The following CSMD1 variants were observed in gnomAD, a reference collection of about 807,000 sequenced individuals.
CSMD1 encodes the protein CUB and Sushi multiple domains 1.
CSMD1 carries 213 observed loss-of-function variants against 417.5 expected under a neutral mutation model. That is an observed-to-expected ratio of 0.51 (90% CI 0.46 to 0.57). The LOEUF is 0.57. Among genes scored for constraint, CSMD1 ranks in the 20% least tolerant of loss-of-function variants. CSMD1 has a pLI of 0.00. For synonymous variants in CSMD1, 2,862 were observed against 1,736.8 expected (o/e 1.65, Z -16.11); for missense variants, 6,923 against 4,529.7 (o/e 1.53, Z -15.17).
chr8:3,638,848 C>T (rs1026079905), intron 7 of CSMD1, among the ~76,000 whole-genome samples: 1 of 152,070 alleles, frequency 6.6e-6, no homozygotes, highest in Admixed American at 6.6e-5. Flanking sequence ...GGAAGATACC[C>T]TGGAATATAA....
intron 5 of CSMD1, among the ~76,000 whole-genome samples, chr8:3,940,402 A>G (rs1323530256): frequency 6.6e-6 from 1 of 152,110 alleles, no homozygotes; most frequent in Non-Finnish European, 1.5e-5. Flanking sequence ...GAAAATAATG[A>G]CAAAAATGTT....
chr8:4,577,004 T>C (rs1799168581), intron 2 of CSMD1, among the ~76,000 whole-genome samples: 1 of 152,326 alleles, frequency 6.6e-6, no homozygotes, highest in South Asian at 2.1e-4. Context: ...ATCTCCATGG[T>C]GACAGATATT....
chr8:4,767,056 G>A (rs1426841845), intron 1 of CSMD1, among the ~76,000 whole-genome samples: 1 of 152,092 alleles, frequency 6.6e-6, no homozygotes, highest in Non-Finnish European at 1.5e-5. Context: ...AGGAAATACT[G>A]CTTTATAATG....
chr8:3,610,669 G>C (rs1245350073), intron 8 of CSMD1, among the ~76,000 whole-genome samples: 2 of 152,000 alleles, frequency 1.3e-5, no homozygotes, highest in Non-Finnish European at 2.9e-5. Flanking sequence ...TTGTAACATA[G>C]CAAATATCTT....
intron 1 of CSMD1, among the ~76,000 whole-genome samples, chr8:4,776,226 G>A (rs1182352720): frequency 6.6e-6 from 1 of 152,000 alleles, no homozygotes; most frequent in East Asian, 1.9e-4. Flanking sequence ...TTTCACAAAG[G>A]CCTAAATATA....
intron 6 of CSMD1, among the ~76,000 whole-genome samples, chr8:3,731,579 G>GT (rs1049247526): frequency 6.6e-6 from 1 of 152,130 alleles, no homozygotes; most frequent in Non-Finnish European, 1.5e-5. Context: ...TCTAAAATAG[G>GT]TTTTTGAAAG....
intron 10 of CSMD1, among the ~76,000 whole-genome samples, chr8:3,528,593 C>A (rs1286784223): frequency 1.3e-5 from 2 of 152,160 alleles, no homozygotes; most frequent in African/African-American, 4.8e-5. Flanking sequence ...ATACAACACA[C>A]AATTTGAATT....
intron 3 of CSMD1, among the ~76,000 whole-genome samples, chr8:4,051,860 C>A (rs868602145): frequency 2.9e-5 from 1 of 34,698 alleles, no homozygotes; most frequent in Admixed American, 4.1e-4. Flanking sequence ...TTTTCTCTTT[C>A]TTTCTTTCCT....
Position 4,419,514 on chromosome 8 carries a change from T to C in CSMD1, c.415+439A>G, listed in dbSNP as rs183531405. 1.1e-3 allele frequency among the ~76,000 whole-genome samples: 164 copies of C among 152,256 alleles called. 1 individual carries two copies. Among genetic ancestry groups the C allele is most frequent in the African/African-American group, 3.8e-3 (159 of 41,542 alleles). On this transcript the variant is annotated intron_variant, in intron 3 of 69. Transcript: ENST00000635120. ...TCAAACAACAGTAAAAGCAAATTAA[T>C]TTTCTCTCTTAAAAATTTCAGCTTT...
chr8:3,983,965 G>A (rs1259552910), intron 5 of CSMD1, among the ~76,000 whole-genome samples: 1 of 151,922 alleles, frequency 6.6e-6, no homozygotes, highest in African/African-American at 2.4e-5. Flanking sequence ...CAGATCTGAT[G>A]GGGCTGTCAA....
At chr8:4,448,347 A>C (rs1018776494) in intron 2 of CSMD1, among the ~76,000 whole-genome samples, 2 of 152,334 alleles carry the variant, frequency 1.3e-5, no homozygotes, top group East Asian at 3.9e-4. Context: ...AGCCTTCTGC[A>C]CTAACTCAAT....
At chr8:4,578,360 T>TTTTTTTTTTA (rs1484392049) in intron 2 of CSMD1, among the ~76,000 whole-genome samples, 1 of 144,694 alleles carries the variant, frequency 6.9e-6, no homozygotes, top group African/African-American at 2.7e-5. Flanking sequence ...TTTTTTTTTT[T>TTTTTTTTTTA]AGGACAGACG....
intron 6 of CSMD1, among the ~76,000 whole-genome samples, chr8:3,745,616 C>A (rs931448505): frequency 1.3e-5 from 2 of 152,196 alleles, no homozygotes; most frequent in Non-Finnish European, 2.9e-5. Context: ...TCATTCTGAG[C>A]ACTCCACTGA....
At position 2,955,553 on chromosome 8, in the gene CSMD1, T is replaced by C. The variant is rs1421598415; in HGVS notation, c.9994+36A>G. 2.5e-6 allele frequency: 4 copies of C among 1,606,780 alleles called. No individual in the cohort carries two copies. The African/African-American group carries it at 4.0e-5, about 16-fold the overall frequency. On this transcript the variant is annotated intron_variant, in intron 64 of 69. Transcript: ENST00000635120. Reference sequence around the variant, plus strand: ...GGCAGCTGATCCTTTCCCTTGCTCTTTGGAAAAGTATGCCACTCCTTGATC... The same window carrying C: ...GGCAGCTGATCCTTTCCCTTGCTCTCTGGAAAAGTATGCCACTCCTTGATC...
At chr8:4,912,122 CAAA>C (rs36194482) in intron 1 of CSMD1, among the ~76,000 whole-genome samples, 65 of 84,590 alleles carry the variant, frequency 7.7e-4, no homozygotes, top group Middle Eastern at 6.4e-3. Context: ...AACATAGCTT[CAAA>C]AAAAAAAAAA....
intron 1 of CSMD1, among the ~76,000 whole-genome samples, chr8:4,831,563 G>A (rs1321377599): frequency 2.0e-5 from 3 of 151,992 alleles, no homozygotes; most frequent in African/African-American, 4.8e-5. Context: ...AGGGTTTAAG[G>A]AACTCTTACA....
chr8:3,403,906 G>A lies in CSMD1; in HGVS notation c.2266+2121C>T, dbSNP rs146256653. Among the ~76,000 whole-genome samples, 160 of 152,204 alleles carry A rather than the reference G, an allele frequency of 1.1e-3. 1 individual carries two copies. In the East Asian group the frequency reaches 0.025, roughly 23 times the overall value. Reference sequence around the variant, plus strand: ...AAACTGTACATTTACCATATGTGATGGAAATACATACAAATGAAATTTCAG... The same window carrying A: ...AAACTGTACATTTACCATATGTGATAGAAATACATACAAATGAAATTTCAG... On this transcript the variant is annotated intron_variant, in intron 15 of 69. Coordinates refer to ENST00000635120, the MANE Select transcript of CSMD1 (RefSeq NM_033225.6).
At chr8:3,782,459 T>A (rs555101829) in intron 5 of CSMD1, among the ~76,000 whole-genome samples, 9 of 152,172 alleles carry the variant, frequency 5.9e-5, no homozygotes, top group Non-Finnish European at 1.3e-4. Context: ...TAATGACGCA[T>A]AACATGTATA....
intron 24 of CSMD1, 80 bp downstream of exon 24, chr8:3,308,232 A>G (rs1454761725): frequency 2.7e-6 from 3 of 1,105,410 alleles, no homozygotes; most frequent in East Asian, 2.4e-5. Context: ...CTCTTTTCCA[A>G]TAAAGGAAGT....
Sources: gnomAD v4.1 joint callset for allele counts (sites outside exome capture counted in the v4.1 genomes callset) on GRCh38, gnomAD v4.1.1 for gene constraint, MANE v1.5 for transcripts, NCBI Gene and HGNC (gene_info 2026-07-23, HGNC 2026-07-21) for gene names.